Variants in EYS observed in about 807,000 individuals in gnomAD.
EYS encodes the protein protein eyes shut homolog.
A neutral mutation model predicts 282.1 loss-of-function variants in EYS; 250 were observed. That is an observed-to-expected ratio of 0.89 (90% CI 0.80 to 0.98). The LOEUF (loss-of-function observed/expected upper bound fraction) is 0.98, where lower values mean the gene tolerates loss of function less well. EYS is among the 50% of genes least tolerant of loss of function. The probability of loss-of-function intolerance (pLI) is 0.00; values close to 1 mark genes in which losing one functional copy is unlikely to be tolerated. For missense variants in EYS, 4,016 were observed against 3,709.0 expected (o/e 1.08, Z -2.15); for synonymous variants, 1,355 against 1,282.9 (o/e 1.06, Z -1.20).
intron 12 of EYS, among the ~76,000 whole-genome samples, chr6:65,115,552 T>G (rs1775343118): frequency 6.6e-6 from 1 of 152,086 alleles, no homozygotes; most frequent in Non-Finnish European, 1.5e-5. Flanking sequence ...TTTAAAAAAT[T>G]TATATATTAC....
intron 40 of EYS, among the ~76,000 whole-genome samples, chr6:63,773,237 C>T (rs1769980738): frequency 6.6e-6 from 1 of 152,140 alleles, no homozygotes. Context: ...TTTTTGCCAA[C>T]CTCATAGGTG....
intron 1 of EYS, among the ~76,000 whole-genome samples, chr6:65,662,222 T>C (rs1010698826): frequency 6.6e-6 from 1 of 152,136 alleles, no homozygotes; most frequent in Admixed American, 6.6e-5. Flanking sequence ...TTCTGAACAT[T>C]CCCAAAATTT....
rs374078640 is a variant in EYS at position 65,526,800 on chromosome 6, T to C, written c.-332-30807A>G. Among the ~76,000 whole-genome samples the C allele has an allele frequency of 2.4e-3, 361 of 151,984 alleles. 1 individual carries two copies. Among genetic ancestry groups the C allele is most frequent in the African/African-American group, 8.2e-3 (340 of 41,308 alleles). On this transcript the variant is annotated intron_variant, in intron 2 of 42. Transcript: ENST00000503581. ...CAGCCTGGGCGACAGAGCAAGACTC[T>C]GTCTCAAAAAACAAAATTAAATTTA...
At chr6:65,557,918 T>G (rs903754071) in intron 2 of EYS, among the ~76,000 whole-genome samples, 1 of 152,048 alleles carries the variant, frequency 6.6e-6, no homozygotes, top group Admixed American at 6.6e-5. Context: ...AGTGTCTGAA[T>G]CTGGCTGAGT....
chr6:65,223,151 T>C (rs1161982208), intron 12 of EYS, among the ~76,000 whole-genome samples: 1 of 152,048 alleles, frequency 6.6e-6, no homozygotes, highest in East Asian at 1.9e-4. Context: ...GAATGTATGA[T>C]GATGAAAGAA....
chr6:64,001,383 C>T (rs1364991822), intron 33 of EYS, among the ~76,000 whole-genome samples: 1 of 152,128 alleles, frequency 6.6e-6, no homozygotes, highest in Admixed American at 6.5e-5. Context: ...TAATATTGCT[C>T]ATAATGGAAT....
chr6:63,757,099 C>A (rs1024729579), intron 41 of EYS, among the ~76,000 whole-genome samples: 2 of 151,988 alleles, frequency 1.3e-5, no homozygotes, highest in Non-Finnish European at 2.9e-5. Flanking sequence ...CAGAATAGAG[C>A]CATATTTTTC....
intron 28 of EYS, among the ~76,000 whole-genome samples, chr6:64,419,105 G>C (rs1192923941): frequency 6.6e-6 from 1 of 152,118 alleles, no homozygotes; most frequent in East Asian, 1.9e-4. Context: ...ATCCTGGCTA[G>C]TTCCCCACAA....
chr6:64,111,035 A>G (rs1431338215), intron 31 of EYS, among the ~76,000 whole-genome samples: 1 of 152,014 alleles, frequency 6.6e-6, no homozygotes, highest in Non-Finnish European at 1.5e-5. Context: ...ATTGAATGGG[A>G]AGGACTAGAG....
At chr6:64,467,648 G>A (rs1775968886) in intron 26 of EYS, among the ~76,000 whole-genome samples, 1 of 152,046 alleles carries the variant, frequency 6.6e-6, no homozygotes, top group Non-Finnish European at 1.5e-5. Flanking sequence ...CACATTCTGG[G>A]TACATGAGAA....
intron 12 of EYS, among the ~76,000 whole-genome samples, chr6:65,290,730 G>C (rs1282154331): frequency 6.6e-6 from 1 of 151,374 alleles, no homozygotes; most frequent in Non-Finnish European, 1.5e-5. Flanking sequence ...GTGCATCAGT[G>C]TGTGCAATTT....
At chr6:65,585,612 A>C (rs530737935) in intron 2 of EYS, among the ~76,000 whole-genome samples, 5 of 151,956 alleles carry the variant, frequency 3.3e-5, no homozygotes, top group Non-Finnish European at 7.4e-5. Context: ...TACTCTTTGA[A>C]GCAGAAATAT....
At chr6:63,985,043 A>G (rs535485453) in intron 34 of EYS, among the ~76,000 whole-genome samples, 3 of 151,878 alleles carry the variant, frequency 2.0e-5, no homozygotes, top group Admixed American at 6.6e-5. Flanking sequence ...TCAGAATGTG[A>G]CTTTATTTAA....
intron 5 of EYS, among the ~76,000 whole-genome samples, chr6:65,431,402 A>G (rs979097168): frequency 2.6e-5 from 4 of 152,150 alleles, no homozygotes. Flanking sequence ...TTCTGAAGAT[A>G]GTTGTCTTCT....
At chr6:64,724,254 T>C (rs1771681555) in intron 22 of EYS, among the ~76,000 whole-genome samples, 6 of 152,182 alleles carry the variant, frequency 3.9e-5, no homozygotes, top group Admixed American at 3.9e-4. Context: ...CAGTGTTGTG[T>C]TATATTTCTT....
intron 9 of EYS, among the ~76,000 whole-genome samples, chr6:65,348,065 AT>A (rs59204373): frequency 0.043 from 6,544 of 151,522 alleles, 450 homozygotes; most frequent in African/African-American, 0.15. Context: ...ACAGGATCTC[AT>A]TTTTTTATAT....
chr6:65,264,002 G>A (rs893032935), intron 12 of EYS, among the ~76,000 whole-genome samples: 1 of 151,996 alleles, frequency 6.6e-6, no homozygotes. Context: ...AGTGGAGGAA[G>A]ACAGTACTGA....
chr6:65,131,596 T>G (rs191603916), intron 12 of EYS, among the ~76,000 whole-genome samples: 1 of 151,992 alleles, frequency 6.6e-6, no homozygotes, highest in Non-Finnish European at 1.5e-5. Context: ...GAGGGAAATT[T>G]ATAGCACTAA....
At chr6:65,195,833 C>G (rs1023921524) in intron 12 of EYS, among the ~76,000 whole-genome samples, 1 of 152,034 alleles carries the variant, frequency 6.6e-6, no homozygotes, top group African/African-American at 2.4e-5. Context: ...AAACAGTATT[C>G]TGTCTCTGTG....
Sources: gnomAD v4.1 joint callset for allele counts (sites outside exome capture counted in the v4.1 genomes callset) on GRCh38, gnomAD v4.1.1 for gene constraint, MANE v1.5 for transcripts, NCBI Gene and HGNC (gene_info 2026-07-23, HGNC 2026-07-21) for gene names.